The following TUSC3 variants were observed in gnomAD, a reference collection of about 807,000 sequenced individuals.
TUSC3 encodes the protein dolichyl-diphosphooligosaccharide--protein glycosyltransferase subunit TUSC3.
Under a neutral mutation model 44.8 loss-of-function variants are expected in TUSC3, and 45 were observed. The observed-to-expected ratio is 1.00, with a 90% CI of 0.79 to 1.29. TUSC3 has a LOEUF of 1.29. TUSC3 is among the 50% of genes most tolerant of loss of function. The probability of loss-of-function intolerance (pLI) is 0.00; values close to 1 mark genes in which losing one functional copy is unlikely to be tolerated. For synonymous variants in TUSC3, 212 were observed against 152.9 expected (o/e 1.39, Z -2.85); for missense variants, 519 against 437.9 (o/e 1.19, Z -1.65).
chr8:15,593,497 G>A (rs972075398), intron 1 of TUSC3, among the ~76,000 whole-genome samples: 3 of 152,064 alleles, frequency 2.0e-5, no homozygotes, highest in Admixed American at 2.0e-4. Context: ...ATCCAAGTGA[G>A]CCATTAATAA....
intron 2 of TUSC3, among the ~76,000 whole-genome samples, chr8:15,521,677 T>C (rs1801301891): frequency 6.6e-6 from 1 of 152,192 alleles, no homozygotes; most frequent in South Asian, 2.1e-4. Flanking sequence ...TTGGGCTGCA[T>C]TCAAAATTGA....
At chr8:15,490,759 G>C (rs1800797595) in intron 2 of TUSC3, among the ~76,000 whole-genome samples, 1 of 152,128 alleles carries the variant, frequency 6.6e-6, no homozygotes, top group South Asian at 2.1e-4. Context: ...CAAAATGAAA[G>C]AAAGTCACCA....
intron 1 of TUSC3, among the ~76,000 whole-genome samples, chr8:15,603,895 A>G (rs1489204148): frequency 1.3e-5 from 2 of 151,588 alleles, no homozygotes; most frequent in Non-Finnish European, 3.0e-5. Context: ...AGTTAGAATC[A>G]TAGAACTTAC....
intron 1 of TUSC3, among the ~76,000 whole-genome samples, chr8:15,618,625 T>C (rs1343823026): frequency 6.6e-6 from 1 of 152,236 alleles, no homozygotes; most frequent in Non-Finnish European, 1.5e-5. Context: ...TGCCTGAGGC[T>C]GTTGTACAGT....
At chr8:15,749,480 C>CT (rs1317125418) in intron 9 of TUSC3, among the ~76,000 whole-genome samples, 1 of 152,064 alleles carries the variant, frequency 6.6e-6, no homozygotes. Context: ...TTCCAATTCT[C>CT]TTCTTCCCAC....
chr8:15,439,759 C>G (rs751310626), intron 1 of TUSC3, among the ~76,000 whole-genome samples: 1 of 151,874 alleles, frequency 6.6e-6, no homozygotes, highest in Non-Finnish European at 1.5e-5. Context: ...ATAAGTATTT[C>G]CCTCCAGTGT....
intron 1 of TUSC3, among the ~76,000 whole-genome samples, chr8:15,581,412 A>G (rs1364249371): frequency 6.7e-6 from 1 of 149,490 alleles, no homozygotes; most frequent in Non-Finnish European, 1.5e-5. Context: ...TAGAGTTTCC[A>G]GTTTTTCAGT....
In TUSC3 at chr8:15,696,695, A is replaced by G. The variant is rs187944794; in HGVS notation, c.798+22859A>G. ...GATACGTTGTTGGGTTCAGTTAGCT[A>G]GCATCTTGTTAAGGATTTTAGCACC... is the stretch of plus-strand genomic sequence containing the variant. On this transcript the variant is annotated intron_variant, in intron 6 of 10. Transcript: ENST00000503731. 2.4e-4 allele frequency among the ~76,000 whole-genome samples: 36 copies of G among 152,324 alleles called. No homozygotes were observed. The East Asian group carries it at 4.8e-3, about 20-fold the overall frequency.
chr8:15,534,600 G>A (rs1263235489), intron 2 of TUSC3, among the ~76,000 whole-genome samples: 6 of 147,156 alleles, frequency 4.1e-5, no homozygotes, highest in Admixed American at 3.5e-4. Context: ...CCGAGATCGC[G>A]CCACTGCACT....
intron 1 of TUSC3, among the ~76,000 whole-genome samples, chr8:15,614,068 A>C (rs73193390): frequency 0.19 from 28,684 of 151,158 alleles, 2,734 homozygotes; most frequent in South Asian, 0.27. Context: ...TGAAGGATAG[A>C]AGAGAAAATT....
At chr8:15,798,810 C>T in the TUSC3 span, among the ~76,000 whole-genome samples, 1 of 152,142 alleles carries the variant, frequency 6.6e-6, no homozygotes, top group Non-Finnish European at 1.5e-5. Flanking sequence ...ATGTGGGACA[C>T]CTGCAACTCT....
chr8:15,825,625 C>T, the TUSC3 span, among the ~76,000 whole-genome samples: 3 of 152,142 alleles, frequency 2.0e-5, no homozygotes, highest in East Asian at 1.9e-4. Context: ...ATTAAAGACA[C>T]TGCTCTTATT....
At chr8:15,454,164 G>A (rs763387327) in intron 1 of TUSC3, among the ~76,000 whole-genome samples, 1 of 152,094 alleles carries the variant, frequency 6.6e-6, no homozygotes, top group African/African-American at 2.4e-5. Context: ...ACAAGACCCC[G>A]GAAGCATGAC....
rs527285764 is a variant in TUSC3 at position 15,639,464 on chromosome 8, G to A, written c.309-11233G>A. Among the ~76,000 whole-genome samples the A allele has an allele frequency of 3.9e-5, 6 of 152,216 alleles. No homozygotes were observed. The South Asian group carries it at 6.2e-4, about 16-fold the overall frequency. ...TACAGGAGTAAAGATCATACAAAAC[G>A]GTGCTTTATTTCTCTAAAAATGCTT... is the stretch of plus-strand genomic sequence containing the variant. On this transcript the variant is annotated intron_variant, in intron 2 of 10. Coordinates refer to ENST00000503731, the MANE Select transcript of TUSC3 (RefSeq NM_006765.4).
At chr8:15,665,356 C>T (rs527780352) in intron 5 of TUSC3, among the ~76,000 whole-genome samples, 23 of 151,622 alleles carry the variant, frequency 1.5e-4, no homozygotes, top group African/African-American at 5.3e-4. Flanking sequence ...AGTCTAGGTA[C>T]AATTAGCAGT....
chr8:15,848,374 C>A, the TUSC3 span, among the ~76,000 whole-genome samples: 1 of 152,154 alleles, frequency 6.6e-6, no homozygotes, highest in African/African-American at 2.4e-5. Context: ...AGGCTCTGTT[C>A]CAGCCCCTCA....
At chr8:15,800,178 G>C in the TUSC3 span, among the ~76,000 whole-genome samples, 1 of 152,146 alleles carries the variant, frequency 6.6e-6, no homozygotes, top group African/African-American at 2.4e-5. Flanking sequence ...TCAGTGCCAC[G>C]CTCACAAAAC....
rs1799966556 is a variant in TUSC3, at chr8:15,437,670, C to T, written n.91+20365C>T. ...TATGTATAACTAAAAGTAGGACTCG[C>T]TTTGAAATAACAGAGGCAACACTTG... On this transcript the variant is annotated intron_variant and non_coding_transcript_variant, in intron 1 of 5. Coordinates refer to the TUSC3 transcript ENST00000503191. Among the ~76,000 whole-genome samples the T allele has an allele frequency of 2.0e-5, 3 of 152,198 alleles. No homozygotes were observed. In the South Asian group the frequency reaches 6.2e-4, roughly 31 times the overall value.
intron 1 of TUSC3, among the ~76,000 whole-genome samples, chr8:15,479,968 T>A (rs1235586293): frequency 6.6e-6 from 1 of 152,116 alleles, no homozygotes. Flanking sequence ...GGATACAAAA[T>A]CAGTGCCCAG....
Sources: allele counts gnomAD v4.1 joint callset (sites outside exome capture counted in the v4.1 genomes callset), GRCh38; gene constraint gnomAD v4.1.1; transcripts MANE v1.5; gene names NCBI Gene and HGNC (gene_info 2026-07-23, HGNC 2026-07-21).